Variants in ADAM12 observed in about 807,000 individuals in gnomAD.
ADAM12 encodes disintegrin and metalloproteinase domain-containing protein 12.
In ADAM12, 70 loss-of-function variants were observed where a neutral mutation model predicts 106.4. That is an observed-to-expected ratio of 0.66 (90% confidence interval 0.54 to 0.80). The LOEUF is 0.80. Among genes scored for constraint, ADAM12 ranks in the 30% least tolerant of loss-of-function variants. The pLI is 0.00. For missense variants in ADAM12, 1,010 were observed against 1,171.9 expected (o/e 0.86, Z 2.02); for synonymous variants, 420 against 433.5 (o/e 0.97, Z 0.39).
intron 3 of ADAM12, among the ~76,000 whole-genome samples, chr10:126,273,801 T>C (rs1360596018): frequency 6.6e-6 from 1 of 152,178 alleles, no homozygotes; most frequent in Non-Finnish European, 1.5e-5. Flanking sequence ...ATTGAGTCAT[T>C]CAAACCTGAT....
chr10:126,029,622 G>C (rs933256784), intron 21 of ADAM12, among the ~76,000 whole-genome samples: 2 of 152,270 alleles, frequency 1.3e-5, no homozygotes, highest in South Asian at 2.1e-4. Context: ...TAATACCTGG[G>C]TGATGAGATC....
intron 11 of ADAM12, among the ~76,000 whole-genome samples, chr10:126,088,954 A>G (rs1311765941): frequency 3.9e-5 from 6 of 152,130 alleles, no homozygotes; most frequent in Non-Finnish European, 8.8e-5. Context: ...CCTCAGCTTA[A>G]TGTGAATGAT....
chr10:126,174,624 G>A (rs564038187), intron 3 of ADAM12, among the ~76,000 whole-genome samples: 62 of 152,254 alleles, frequency 4.1e-4, no homozygotes, highest in African/African-American at 1.5e-3. Flanking sequence ...ACCACAAGAT[G>A]ATTTTAGGAT....
chr10:126,119,641 T>C (rs1956049149), intron 5 of ADAM12, among the ~76,000 whole-genome samples: 2 of 152,142 alleles, frequency 1.3e-5, no homozygotes, highest in Admixed American at 1.3e-4. Context: ...AGTCTTTAGG[T>C]TTGGGAAAGA....
chr10:126,349,054 A>G (rs1007732026), intron 1 of ADAM12, among the ~76,000 whole-genome samples: 1 of 152,228 alleles, frequency 6.6e-6, no homozygotes, highest in African/African-American at 2.4e-5. Flanking sequence ...TGAAGTTAAC[A>G]TGAGAATGCT....
chr10:126,259,405 G>A (rs1958955504), intron 3 of ADAM12, among the ~76,000 whole-genome samples: 1 of 152,170 alleles, frequency 6.6e-6, no homozygotes, highest in South Asian at 2.1e-4. Flanking sequence ...TATAGCCCTT[G>A]TGGCTTAAAA....
At chr10:126,021,249 C>T (rs952983882) in intron 21 of ADAM12, among the ~76,000 whole-genome samples, 1 of 152,156 alleles carries the variant, frequency 6.6e-6, no homozygotes, top group African/African-American at 2.4e-5. Flanking sequence ...CCCCTAATAA[C>T]CAAGTGCTTC....
In ADAM12 at chr10:126,014,317, T is replaced by G. The variant is rs1244261107; in HGVS notation, c.*2962A>C. 2.8e-5 allele frequency: 4 copies of G among 143,234 alleles called. No homozygotes were observed. The highest frequency in any genetic ancestry group is 4.6e-5 in the Non-Finnish European group (3 of 65,878). 8.9% of individuals were successfully genotyped at this position (143,234 alleles called of 1,614,324 possible). On this transcript the variant is annotated 3_prime_UTR_variant, in exon 23 of 23. Transcript: ENST00000448723. The stretch of plus-strand genomic sequence containing the variant: ...ATTTTGACACAGTTTTAGCCGGTTT[T>G]TTTTTTTTTTTTTTTTTTTTGAGGA...
At chr10:126,189,706 T>C (rs1397984007) in intron 3 of ADAM12, among the ~76,000 whole-genome samples, 1 of 152,140 alleles carries the variant, frequency 6.6e-6, no homozygotes, top group East Asian at 1.9e-4. Flanking sequence ...GGCACCGGAA[T>C]CTACCTGCAG....
intron 5 of ADAM12, among the ~76,000 whole-genome samples, chr10:126,128,235 C>T (rs1404709992): frequency 1.3e-5 from 2 of 152,060 alleles, no homozygotes; most frequent in South Asian, 2.1e-4. Flanking sequence ...GGAGAGGCCC[C>T]GGTCTGCAGC....
At chr10:126,091,362 G>T (rs1161465099) in intron 11 of ADAM12, among the ~76,000 whole-genome samples, 2 of 152,186 alleles carry the variant, frequency 1.3e-5, no homozygotes, top group African/African-American at 4.8e-5. Context: ...ATGACTGAGG[G>T]TTGACTGAGC....
chr10:126,050,170 A>G (rs1480424382), intron 14 of ADAM12, among the ~76,000 whole-genome samples: 1 of 152,224 alleles, frequency 6.6e-6, no homozygotes. Flanking sequence ...TCCCTATAAG[A>G]GAAAGTACTA....
At chr10:126,144,379 TCTG>T (rs1956586241) in intron 4 of ADAM12, among the ~76,000 whole-genome samples, 4 of 152,212 alleles carry the variant, frequency 2.6e-5, no homozygotes, top group Non-Finnish European at 5.9e-5. Flanking sequence ...TTGTTACAAA[TCTG>T]GAATACGAAC....
At chr10:126,326,514 G>A (rs529399779) in intron 2 of ADAM12, among the ~76,000 whole-genome samples, 5 of 152,236 alleles carry the variant, frequency 3.3e-5, no homozygotes, top group South Asian at 2.1e-4. Context: ...TTCAAAGTAC[G>A]TCTCCAGTCC....
At chr10:126,386,409 A>G (rs1856660676) in intron 1 of ADAM12, among the ~76,000 whole-genome samples, 1 of 152,182 alleles carries the variant, frequency 6.6e-6, no homozygotes, top group Non-Finnish European at 1.5e-5. Flanking sequence ...TACGGCCTCA[A>G]TGGTATGATT....
At chr10:126,036,727 C>T (rs958165460) in intron 20 of ADAM12, among the ~76,000 whole-genome samples, 1 of 152,134 alleles carries the variant, frequency 6.6e-6, no homozygotes, top group African/African-American at 2.4e-5. Flanking sequence ...GAGAAAACCA[C>T]TGGGGAAAGG....
At chr10:126,255,967 C>T (rs951173873) in intron 3 of ADAM12, among the ~76,000 whole-genome samples, 7 of 152,126 alleles carry the variant, frequency 4.6e-5, no homozygotes, top group African/African-American at 1.7e-4. Context: ...ATGGGCATCT[C>T]GTCAGGGCAC....
chr10:126,120,957 ATATAT>A (rs1394678903), intron 5 of ADAM12, among the ~76,000 whole-genome samples: 1 of 137,314 alleles, frequency 7.3e-6, no homozygotes, highest in African/African-American at 2.7e-5. Context: ...GTAATATAAT[ATATAT>A]TATATATTAC....
chr10:126,320,282 G>A (rs1006100700), intron 2 of ADAM12, among the ~76,000 whole-genome samples: 1 of 152,210 alleles, frequency 6.6e-6, no homozygotes, highest in African/African-American at 2.4e-5. Flanking sequence ...AGACACAAGA[G>A]CATGAGGAGT....
Sources: allele counts gnomAD v4.1 joint callset (sites outside exome capture counted in the v4.1 genomes callset), GRCh38; gene constraint gnomAD v4.1.1; transcripts MANE v1.5; gene names NCBI Gene and HGNC (gene_info 2026-07-23, HGNC 2026-07-21).